Variants in CSGALNACT2 observed in about 807,000 individuals in gnomAD.
CSGALNACT2 encodes beta 4 GalNAcT-2.
Under a neutral mutation model 55.3 loss-of-function variants are expected in CSGALNACT2, and 35 were observed. That is an observed-to-expected ratio of 0.63 (90% CI 0.48 to 0.84). The LOEUF (loss-of-function observed/expected upper bound fraction) is 0.84, where lower values mean the gene tolerates loss of function less well. Ranked by LOEUF, CSGALNACT2 falls within the 40% of genes least tolerant of loss-of-function variation. The pLI, the probability that CSGALNACT2 is intolerant of heterozygous loss-of-function variation, is 0.00. For missense variants in CSGALNACT2, 544 were observed against 657.5 expected, an observed-to-expected ratio of 0.83 and a Z score of 1.89; for synonymous variants, 196 against 224.9, an observed-to-expected ratio of 0.87 and a Z score of 1.15.
chr10:43,165,000 G>A (rs1237456147), intron 5 of CSGALNACT2, among the ~76,000 whole-genome samples: 1 of 152,100 alleles, frequency 6.6e-6, no homozygotes, highest in Non-Finnish European at 1.5e-5. Flanking sequence ...GAGGCGGGCG[G>A]ATCACGAGGT....
At chr10:43,142,994 G>A (rs960631618) in intron 1 of CSGALNACT2, among the ~76,000 whole-genome samples, 1 of 152,158 alleles carries the variant, frequency 6.6e-6, no homozygotes, top group African/African-American at 2.4e-5. Flanking sequence ...TGCTTGTCAT[G>A]TTTTACTTGA....
chr10:43,160,344 G>A, intron 3 of CSGALNACT2, 150 bp from the exon 4 acceptor site: 1 of 572,170 alleles, frequency 1.7e-6, no homozygotes, highest in South Asian at 2.2e-5. Context: ...TAGACCTTGT[G>A]CCTTCCATAA....
At position 43,184,749 on chromosome 10, in the gene CSGALNACT2, T is replaced by C. The variant is rs1275880032; in HGVS notation, c.*1207T>C. 1 of 152,218 alleles carries C rather than the reference T, an allele frequency of 6.6e-6. No individual in the cohort carries two copies. The highest frequency in any genetic ancestry group is 2.4e-5 in the African/African-American group (1 of 41,454). 9.4% of individuals were successfully genotyped at this position (152,218 alleles called of 1,614,324 possible). A position where few individuals can be genotyped will look rare whatever the true frequency, so the allele number is the denominator to read the frequency against. On this transcript the variant is annotated 3_prime_UTR_variant, in exon 8 of 8. Transcript: ENST00000374466. ...ATATTCAGATAGGACTGCACTACAT[T>C]ATTTGTCACACATGGATCTGTTACC...
intron 1 of CSGALNACT2, among the ~76,000 whole-genome samples, chr10:43,151,703 C>T (rs1838878479): frequency 6.6e-6 from 1 of 152,162 alleles, no homozygotes; most frequent in Admixed American, 6.5e-5. Flanking sequence ...ATCCTAGATA[C>T]CTTGGTCTCT....
chr10:43,161,854 C>T (rs968038893), intron 4 of CSGALNACT2, among the ~76,000 whole-genome samples: 67 of 152,202 alleles, frequency 4.4e-4, no homozygotes, highest in African/African-American at 1.6e-3. Context: ...ACCACCCTAA[C>T]CCTGGTTCCC....
intron 1 of CSGALNACT2, among the ~76,000 whole-genome samples, chr10:43,150,316 C>T (rs1323265995): frequency 6.6e-6 from 1 of 152,134 alleles, no homozygotes; most frequent in Non-Finnish European, 1.5e-5. Context: ...ATCTTAGTTA[C>T]CAATGTCGTT....
chr10:43,164,169 T>C (rs1839211420), intron 5 of CSGALNACT2, 125 bp downstream of exon 5: 2 of 727,120 alleles, frequency 2.8e-6, no homozygotes, highest in Non-Finnish European at 4.3e-6. Context: ...TTTTAAGTTA[T>C]ATTAGGCATA....
At chr10:43,163,518 T>G (rs772075841) in intron 4 of CSGALNACT2, 24 of 985,408 alleles carry the variant, frequency 2.4e-5, no homozygotes, top group Non-Finnish European at 2.9e-5. Flanking sequence ...GTGATCTTTG[T>G]GTGTGTTATC....
intron 7 of CSGALNACT2, among the ~76,000 whole-genome samples, chr10:43,178,618 CA>C (rs201493922): frequency 0.028 from 1,817 of 64,708 alleles, 13 homozygotes; most frequent in African/African-American, 0.07. Context: ...GAGACTCCAT[CA>C]AAAAAAAAAA....
intron 3 of CSGALNACT2, among the ~76,000 whole-genome samples, chr10:43,159,225 A>G (rs192567580): frequency 7.9e-5 from 12 of 152,302 alleles, no homozygotes; most frequent in East Asian, 1.9e-4. Context: ...TAAAAAATCA[A>G]CTTTACTAAG....
chr10:43,155,171 C>T lies in CSGALNACT2; in HGVS notation c.22C>T (p.Leu8Phe). Residue 8 changes from leucine (L) to phenylalanine (F), a missense_variant, in exon 2 of 8, where the codon CTT (leucine) becomes TTT (phenylalanine). Physicochemically the swap from Leu to Phe is conservative, Grantham distance 22. This residue lies in a region of CSGALNACT2 where 374 missense variants were observed against 401.3 expected (regional missense o/e 0.93). Transcript: ENST00000374466. The stretch of plus-strand genomic sequence containing the variant: ...AAGAATGCCTAGAAGAGGACTGATT[C>T]TTCACACCCGGACCCACTGGTTGCT... MPRRGLI[L>F]HTRTHWLLLG... is the part of the protein sequence containing the mutation. 1 of 1,613,830 alleles carries T rather than the reference C, an allele frequency of 6.2e-7. No individual in the cohort carries two copies. The highest frequency in any genetic ancestry group is 1.1e-5 in the South Asian group (1 of 91,076).
rs548924168 is a variant in CSGALNACT2 at position 43,155,816 on chromosome 10, G to A, written c.661+6G>A. On this transcript the variant is annotated splice_donor_region_variant and intron_variant, in intron 2 of 7. Transcript: ENST00000374466. ...TGAAAATGACTTCGTAGAAGGTAAT[G>A]TGAAAAATATGTTGGTCAATATTAT... 61 of 1,600,460 alleles carry A rather than the reference G, an allele frequency of 3.8e-5. 3 individuals carry two copies. In the South Asian group the frequency reaches 5.0e-4, roughly 13 times the overall value.
At chr10:43,181,564 C>T (rs1282290614) in intron 7 of CSGALNACT2, among the ~76,000 whole-genome samples, 2 of 152,016 alleles carry the variant, frequency 1.3e-5, no homozygotes, top group African/African-American at 4.8e-5. Flanking sequence ...TAATACTTTT[C>T]AGAGATCCCC....
At chr10:43,141,909 G>A (rs928260564) in intron 1 of CSGALNACT2, among the ~76,000 whole-genome samples, 1 of 152,146 alleles carries the variant, frequency 6.6e-6, no homozygotes, top group Non-Finnish European at 1.5e-5. Context: ...GTACAGTGGG[G>A]ACGAACAAGA....
intron 7 of CSGALNACT2, among the ~76,000 whole-genome samples, chr10:43,177,947 A>G (rs1475305337): frequency 2.0e-5 from 3 of 152,166 alleles, no homozygotes; most frequent in African/African-American, 7.2e-5. Flanking sequence ...TTTTGTTTCT[A>G]GTATCACCCA....
At chr10:43,149,109 G>A (rs1004545811) in intron 1 of CSGALNACT2, among the ~76,000 whole-genome samples, 1 of 152,114 alleles carries the variant, frequency 6.6e-6, no homozygotes, top group East Asian at 1.9e-4. Context: ...TTGAGATGGA[G>A]TCTCGCTTTG....
chr10:43,163,158 T>C lies in CSGALNACT2; in HGVS notation c.981-708T>C, dbSNP rs528271330. The C allele has an allele frequency of 1.3e-5, 13 of 985,340 alleles. No homozygotes were observed. The East Asian group carries it at 1.2e-3, about 95-fold the overall frequency. 61.0% of individuals were successfully genotyped at this position (985,340 alleles called of 1,614,324 possible). A position where few individuals can be genotyped will look rare whatever the true frequency, so the allele number is the denominator to read the frequency against. The stretch of plus-strand genomic sequence containing the variant: ...TACACTCACCACTGAATTCAACATT[T>C]TAACCAAGGCATAACTCACGTTCCA... On this transcript the variant is annotated intron_variant, in intron 4 of 7. Transcript: ENST00000374466.
At chr10:43,143,715 A>G (rs1291967530) in intron 1 of CSGALNACT2, among the ~76,000 whole-genome samples, 1 of 152,088 alleles carries the variant, frequency 6.6e-6, no homozygotes, top group East Asian at 1.9e-4. Context: ...AGTTTGGCAC[A>G]TTTTTCTCCT....
intron 7 of CSGALNACT2, among the ~76,000 whole-genome samples, chr10:43,181,501 G>A (rs1839588292): frequency 1.3e-5 from 2 of 152,124 alleles, no homozygotes; most frequent in Admixed American, 1.3e-4. Flanking sequence ...ATATCTACAA[G>A]GAAGAAAAGC....
Sources: gnomAD v4.1 joint callset for allele counts (sites outside exome capture counted in the v4.1 genomes callset) on GRCh38, gnomAD v4.1.1 for gene constraint, gnomAD v4.1.1 regional missense constraint, MANE v1.5 for transcripts, NCBI Gene and HGNC (gene_info 2026-07-23, HGNC 2026-07-21) for gene names.